The following GASK1A variants were observed in gnomAD, a reference collection of about 807,000 sequenced individuals.
GASK1A encodes golgi associated kinase 1A, also known as Golgi-associated kinase 1A.
A neutral mutation model predicts 41.2 loss-of-function variants in GASK1A; 40 were observed. The observed-to-expected ratio is 0.97, with a 90% CI of 0.75 to 1.27. The LOEUF is 1.27. Among genes scored for constraint, GASK1A ranks in the 50% most tolerant of loss-of-function variants. The pLI, the probability that GASK1A is intolerant of heterozygous loss-of-function variation, is 0.00. For synonymous variants in GASK1A, 316 were observed against 307.1 expected, an observed-to-expected ratio of 1.03 and a Z score of -0.30; for missense variants, 678 against 745.1, an observed-to-expected ratio of 0.91 and a Z score of 1.05.
At chr3:43,048,003 A>G (rs931808768) in intron 2 of GASK1A, among the ~76,000 whole-genome samples, 2 of 152,196 alleles carry the variant, frequency 1.3e-5, no homozygotes, top group Admixed American at 6.5e-5. Context: ...GGAAAGGCAA[A>G]TGAATGTGAC....
At chr3:42,980,669 A>G (rs987291623) in intron 1 of GASK1A, among the ~76,000 whole-genome samples, 4 of 152,086 alleles carry the variant, frequency 2.6e-5, no homozygotes, top group African/African-American at 9.7e-5. Context: ...TGGCTGGAAC[A>G]GAGGTGGAGG....
intron 1 of GASK1A, among the ~76,000 whole-genome samples, chr3:42,997,954 A>G (rs1192780754): frequency 2.0e-5 from 3 of 152,146 alleles, no homozygotes; most frequent in Non-Finnish European, 4.4e-5. Context: ...CGTGAGGAAC[A>G]TGTCACTCCT....
intron 1 of GASK1A, among the ~76,000 whole-genome samples, chr3:43,003,708 G>A (rs770119079): frequency 1.3e-4 from 20 of 152,030 alleles, no homozygotes; most frequent in Middle Eastern, 3.4e-3. Context: ...TGCTATTTAC[G>A]TTTATTTTAT....
At chr3:43,043,140 C>T (rs1285604019) in intron 2 of GASK1A, among the ~76,000 whole-genome samples, 1 of 152,236 alleles carries the variant, frequency 6.6e-6, no homozygotes, top group South Asian at 2.1e-4. Flanking sequence ...CTCTGACCCC[C>T]AGGCAGTGAG....
chr3:43,030,504 C>T (rs1250144040), intron 1 of GASK1A, among the ~76,000 whole-genome samples: 1 of 152,206 alleles, frequency 6.6e-6, no homozygotes, highest in Non-Finnish European at 1.5e-5. Context: ...AGAATTGGAA[C>T]TGCAGTGCAG....
chr3:42,997,900 T>C (rs1054079906), intron 1 of GASK1A, among the ~76,000 whole-genome samples: 1 of 152,234 alleles, frequency 6.6e-6, no homozygotes, highest in Middle Eastern at 3.4e-3. Context: ...AGGTTCCTGC[T>C]GGGGACTTCT....
At chr3:43,002,044 T>C (rs1206487563) in intron 1 of GASK1A, among the ~76,000 whole-genome samples, 3 of 152,218 alleles carry the variant, frequency 2.0e-5, no homozygotes, top group African/African-American at 7.2e-5. Context: ...AGCTTGCTGA[T>C]TGGAAATCAG....
chr3:43,014,904 T>C (rs2089482070), intron 1 of GASK1A, among the ~76,000 whole-genome samples: 1 of 149,908 alleles, frequency 6.7e-6, no homozygotes, highest in African/African-American at 2.5e-5. Context: ...AGAGGCTGTT[T>C]TACGCCCTGG....
At chr3:43,043,383 G>A (rs991174251) in intron 2 of GASK1A, among the ~76,000 whole-genome samples, 1 of 152,216 alleles carries the variant, frequency 6.6e-6, no homozygotes, top group African/African-American at 2.4e-5. Flanking sequence ...TTGGCAGACT[G>A]CAGTATCTTT....
At chr3:42,983,433 A>G (rs181382406) in intron 1 of GASK1A, among the ~76,000 whole-genome samples, 1 of 152,214 alleles carries the variant, frequency 6.6e-6, no homozygotes, top group Admixed American at 6.5e-5. Flanking sequence ...AGGATCTAGT[A>G]TAGATGAAAT....
Position 43,033,289 on chromosome 3 carries a change from G to C in GASK1A, c.1026G>C (p.Arg342=). The C allele has an allele frequency of 6.4e-7, 1 of 1,551,526 alleles. No individual in the cohort carries two copies. Among genetic ancestry groups the C allele is most frequent in the Non-Finnish European group, 8.7e-7 (1 of 1,146,968 alleles). Residue 342 remains arginine (R), a synonymous_variant, in exon 2 of 5, where the codon CGG becomes CGC. Transcript: ENST00000430121. ...FHVDRVLGLR[R]SLPAVARRFH... ...TAGATCGTGTGCTGGGGCTGCGCCG[G>C]AGCCTACCTGCTGTGGCCCGCCGCT...
intron 1 of GASK1A, among the ~76,000 whole-genome samples, chr3:43,018,503 G>A (rs1392319): frequency 0.19 from 28,896 of 152,008 alleles, 2,888 homozygotes; most frequent in Non-Finnish European, 0.21. Flanking sequence ...TAGCCATCAA[G>A]CCTTAGACTA....
intron 2 of GASK1A, among the ~76,000 whole-genome samples, chr3:43,039,653 T>G (rs1422053919): frequency 1.3e-5 from 2 of 152,212 alleles, no homozygotes; most frequent in Non-Finnish European, 2.9e-5. Context: ...TAGGTAGTTT[T>G]TCGATCCTCT....
chr3:43,021,804 C>T (rs1575444250), intron 1 of GASK1A, among the ~76,000 whole-genome samples: 1 of 152,188 alleles, frequency 6.6e-6, no homozygotes, highest in Non-Finnish European at 1.5e-5. Flanking sequence ...GTCTATTTCT[C>T]TAGCTACCCC....
chr3:42,979,367 A>G lies in GASK1A; in HGVS notation c.-276A>G, dbSNP rs2089267571. The G allele has an allele frequency of 2.6e-6, 1 of 380,276 alleles. No homozygotes were observed. The highest frequency in any genetic ancestry group is 4.6e-6 in the Non-Finnish European group (1 of 215,512). The allele number at this position is 380,276 out of a possible 1,614,324, so 23.6% of individuals were successfully genotyped here. A position where few individuals can be genotyped will look rare whatever the true frequency, so the allele number is the denominator to read the frequency against. ...ACCGCAGAGGCTCGCGGCCGCGGGT[A>G]GGCTCCCTCAGATCCCCGTAGATCT... On this transcript the variant is annotated 5_prime_UTR_variant, in exon 1 of 5. Coordinates refer to ENST00000430121, the MANE Select transcript of GASK1A (RefSeq NM_001129908.3).
intron 1 of GASK1A, among the ~76,000 whole-genome samples, chr3:43,030,924 T>G (rs2089572460): frequency 6.6e-6 from 1 of 152,146 alleles, no homozygotes; most frequent in African/African-American, 2.4e-5. Flanking sequence ...TAATCCCCTT[T>G]TGACACCCAC....
At chr3:43,049,677 T>C (rs2089679174) in intron 2 of GASK1A, among the ~76,000 whole-genome samples, 1 of 146,936 alleles carries the variant, frequency 6.8e-6, no homozygotes, top group South Asian at 2.1e-4. Flanking sequence ...ACCTGAGATG[T>C]GCTTTCTCCA....
intron 1 of GASK1A, 35 bp downstream of exon 1, chr3:42,979,680 G>A (rs760882476): frequency 9.6e-6 from 12 of 1,245,950 alleles, no homozygotes; most frequent in Non-Finnish European, 1.2e-5. Flanking sequence ...CGAGCGGAGG[G>A]TGGGGCGATC....
chr3:43,056,120 C>T (rs889850378), intron 4 of GASK1A, 56 bp from the exon 5 acceptor site: 1 of 1,375,830 alleles, frequency 7.3e-7, no homozygotes, highest in Non-Finnish European at 9.9e-7. Context: ...CTGAAATTCT[C>T]TGAGATTACT....
Sources: gnomAD v4.1 joint callset for allele counts (sites outside exome capture counted in the v4.1 genomes callset) on GRCh38, gnomAD v4.1.1 for gene constraint, MANE v1.5 for transcripts, NCBI Gene and HGNC (gene_info 2026-07-23, HGNC 2026-07-21) for gene names.